Variants in XPO7 observed in about 807,000 individuals in gnomAD.
XPO7 encodes the protein exportin-7.
Under a neutral mutation model 144.3 loss-of-function variants are expected in XPO7, and 21 were observed. The observed-to-expected ratio is 0.15, with a 90% CI of 0.10 to 0.21. The LOEUF (loss-of-function observed/expected upper bound fraction) is 0.21, where lower values mean the gene tolerates loss of function less well. Ranked by LOEUF, XPO7 falls within the 10% of genes least tolerant of loss-of-function variation. The pLI is 1.00. For missense variants in XPO7, 808 were observed against 1,325.8 expected (o/e 0.61, Z 6.06); for synonymous variants, 580 against 499.6 (o/e 1.16, Z -2.15).
At chr8:22,000,045 A>T (rs563695667) in intron 24 of XPO7, among the ~76,000 whole-genome samples, 2 of 152,320 alleles carry the variant, frequency 1.3e-5, no homozygotes, top group South Asian at 4.1e-4. Flanking sequence ...AAGAATACCT[A>T]GACTCTTGGT....
At chr8:21,922,457 C>G (rs756805427) in intron 1 of XPO7, among the ~76,000 whole-genome samples, 3 of 152,078 alleles carry the variant, frequency 2.0e-5, no homozygotes, top group Non-Finnish European at 4.4e-5. Flanking sequence ...CTAACTTTCA[C>G]CCTGAAGGCA....
At chr8:21,977,365 T>C (rs972517971) in intron 7 of XPO7, among the ~76,000 whole-genome samples, 1 of 152,046 alleles carries the variant, frequency 6.6e-6, no homozygotes, top group African/African-American at 2.4e-5. Context: ...CAGATCACTA[T>C]GTCAGGAGTT....
At position 22,003,392 on chromosome 8, in the gene XPO7, G is replaced by A. The variant is rs138271975; in HGVS notation, c.3042+75G>A. 304 of 1,198,842 alleles carry A rather than the reference G, an allele frequency of 2.5e-4. 1 individual carries two copies. The African/African-American group carries it at 4.3e-3, about 17-fold the overall frequency. 74.3% of individuals were successfully genotyped at this position (1,198,842 alleles called of 1,614,324 possible). A position where few individuals can be genotyped will look rare whatever the true frequency, so the allele number is the denominator to read the frequency against. ...CACTTGGTATCACCAAGCCCTGGGA[G>A]AAATGTGTATAGAAACACCCCACGG... On this transcript the variant is annotated intron_variant, in intron 26 of 27. Coordinates refer to ENST00000252512, the MANE Select transcript of XPO7 (RefSeq NM_015024.5).
chr8:21,931,115 A>G (rs1810632032), intron 1 of XPO7, among the ~76,000 whole-genome samples: 2 of 151,316 alleles, frequency 1.3e-5, no homozygotes, highest in African/African-American at 4.9e-5. Context: ...AAGTGCTGGG[A>G]TTACAGCCAT....
intron 26 of XPO7, 49 bp from the exon 27 acceptor site, chr8:22,003,854 C>G (rs1813235035): frequency 1.2e-6 from 2 of 1,610,262 alleles, no homozygotes; most frequent in African/African-American, 1.3e-5. Flanking sequence ...GAGGGCTAAT[C>G]TGCCTTCCCC....
chr8:22,005,351 C>T lies in XPO7; in HGVS notation c.*263C>T, dbSNP rs941087300. ...GAGATACAAACTGAGACTCCAGCCTCTCCTCCTGGGGCCACCCAAGTGGGG... is the reference window on the plus strand; with the variant it reads ...GAGATACAAACTGAGACTCCAGCCTTTCCTCCTGGGGCCACCCAAGTGGGG... On this transcript the variant is annotated 3_prime_UTR_variant, in exon 28 of 28. Transcript: ENST00000252512. The T allele has an allele frequency of 2.8e-4, 86 of 303,296 alleles. No individual in the cohort carries two copies. The highest frequency in any genetic ancestry group is 1.7e-3 in the African/African-American group (80 of 46,446). The allele number at this position is 303,296 out of a possible 1,614,324, so 18.8% of individuals were successfully genotyped here.
intron 1 of XPO7, among the ~76,000 whole-genome samples, chr8:21,952,722 AGTGTTATAACGCCT>A (rs1262536952): frequency 6.6e-6 from 1 of 152,222 alleles, no homozygotes. Flanking sequence ...AATGAATGTC[AGTGTTATAACGCCT>A]GTGTTTTCAG....
chr8:22,005,405 C>A lies in XPO7; in HGVS notation c.*317C>A. 1 of 233,126 alleles carries A rather than the reference C, an allele frequency of 4.3e-6. No individual in the cohort carries two copies. The highest frequency in any genetic ancestry group is 8.3e-6 in the Non-Finnish European group (1 of 120,336). 14.4% of individuals were successfully genotyped at this position (233,126 alleles called of 1,614,324 possible). The stretch of plus-strand genomic sequence containing the variant: ...ACCCCTAGTGTCCTGCCACAACCTG[C>A]CTTGTATAAACATGTACATTTTTTC... On this transcript the variant is annotated 3_prime_UTR_variant, in exon 28 of 28. Coordinates refer to ENST00000252512, the MANE Select transcript of XPO7 (RefSeq NM_015024.5).
At chr8:21,928,141 T>C (rs762885889) in intron 1 of XPO7, among the ~76,000 whole-genome samples, 1 of 152,250 alleles carries the variant, frequency 6.6e-6, no homozygotes, top group Non-Finnish European at 1.5e-5. Context: ...TTTCTGTCAC[T>C]ATAAATTAGT....
intron 9 of XPO7, among the ~76,000 whole-genome samples, chr8:21,980,774 CAA>C (rs892152378): frequency 5.9e-5 from 5 of 85,446 alleles, no homozygotes; most frequent in Non-Finnish European, 4.9e-5. Flanking sequence ...GACTCCGTCT[CAA>C]AAAAAAAAAA....
intron 1 of XPO7, among the ~76,000 whole-genome samples, chr8:21,931,643 A>G (rs553937463): frequency 3.0e-4 from 45 of 152,362 alleles, no homozygotes; most frequent in Middle Eastern, 3.4e-3. Flanking sequence ...AGAAGAGGTC[A>G]TAGTCTCAGG....
intron 6 of XPO7, among the ~76,000 whole-genome samples, chr8:21,976,087 T>C (rs947036017): frequency 6.6e-6 from 1 of 152,208 alleles, no homozygotes; most frequent in African/African-American, 2.4e-5. Context: ...ATGTCTACAT[T>C]GTGTGAGGAG....
intron 2 of XPO7, among the ~76,000 whole-genome samples, chr8:21,967,392 G>A (rs950555764): frequency 3.3e-5 from 5 of 152,112 alleles, no homozygotes; most frequent in Admixed American, 6.6e-5. Context: ...GTGCAATGGC[G>A]TGATCTTGGC....
At chr8:21,942,115 A>G (rs17581910) in intron 1 of XPO7, among the ~76,000 whole-genome samples, 55,155 of 152,136 alleles carry the variant, frequency 0.36, 10,556 homozygotes, top group Non-Finnish European at 0.42. Context: ...AAAGGTAGCA[A>G]ATAGTTTTCC....
intron 10 of XPO7, 80 bp from the exon 11 acceptor site, chr8:21,982,560 T>G: frequency 1.4e-6 from 2 of 1,463,108 alleles, no homozygotes; most frequent in Non-Finnish European, 1.8e-6. Flanking sequence ...GAAAAAAGTC[T>G]TTATCTTCTG....
chr8:21,972,832 CTG>C (rs371190196), intron 5 of XPO7, among the ~76,000 whole-genome samples: 153 of 152,318 alleles, frequency 1.0e-3, no homozygotes, highest in African/African-American at 3.4e-3. Flanking sequence ...GAAATCTTAA[CTG>C]TGAGTTGGTC....
intron 1 of XPO7, among the ~76,000 whole-genome samples, chr8:21,928,841 T>A (rs1039303205): frequency 1.3e-5 from 2 of 152,260 alleles, no homozygotes; most frequent in Non-Finnish European, 2.9e-5. Flanking sequence ...TAAGTTTTAT[T>A]GGAACATGCA....
chr8:21,930,646 T>C (rs951618601), intron 1 of XPO7, among the ~76,000 whole-genome samples: 1 of 152,114 alleles, frequency 6.6e-6, no homozygotes, highest in African/African-American at 2.4e-5. Flanking sequence ...ATCAATGTAA[T>C]GGTAGGAAGA....
intron 1 of XPO7, among the ~76,000 whole-genome samples, chr8:21,927,699 C>T (rs1471578120): frequency 2.0e-5 from 3 of 152,116 alleles, no homozygotes; most frequent in South Asian, 2.1e-4. Flanking sequence ...GCATGCACCA[C>T]CACGCCCAGC....
Sources: gnomAD v4.1 joint callset for allele counts (sites outside exome capture counted in the v4.1 genomes callset) on GRCh38, gnomAD v4.1.1 for gene constraint, MANE v1.5 for transcripts, NCBI Gene and HGNC (gene_info 2026-07-23, HGNC 2026-07-21) for gene names.